The following ZDHHC11B variants were observed in gnomAD, a reference collection of about 807,000 sequenced individuals.
The protein encoded by ZDHHC11B is probable palmitoyltransferase ZDHHC11B.
In ZDHHC11B, 17 loss-of-function variants were observed where a neutral mutation model predicts 42.3. The observed-to-expected ratio is 0.40, with a 90% confidence interval of 0.27 to 0.60. The LOEUF (loss-of-function observed/expected upper bound fraction) is 0.60. ZDHHC11B is among the 20% of genes least tolerant of loss of function. The pLI, the probability that ZDHHC11B is intolerant of heterozygous loss-of-function variation, is 0.41. For synonymous variants in ZDHHC11B, 123 were observed against 193.5 expected, an observed-to-expected ratio of 0.64 and a Z score of 3.02; for missense variants, 262 against 463.2, an observed-to-expected ratio of 0.57 and a Z score of 3.99.
At chr5:759,493 A>G (rs1373050075) in intron 4 of ZDHHC11B, among the ~76,000 whole-genome samples, 4 of 151,970 alleles carry the variant, frequency 2.6e-5, no homozygotes, top group Admixed American at 2.6e-4. Flanking sequence ...GCCCTGGGCC[A>G]CAGCAAGGAG....
At chr5:716,886 G>C (rs748222397) in intron 12 of ZDHHC11B, 21 bp from the exon 13 acceptor site, 9 of 1,612,720 alleles carry the variant, frequency 5.6e-6, no homozygotes, top group Non-Finnish European at 7.6e-6. Context: ...TATTCAGAAA[G>C]AGAGACAACA....
chr5:776,470 T>C (rs1360433559), intron 1 of ZDHHC11B, among the ~76,000 whole-genome samples: 3 of 151,884 alleles, frequency 2.0e-5, no homozygotes, highest in Non-Finnish European at 4.4e-5. Context: ...GGTAGGCCCC[T>C]GGCCAGCAGG....
chr5:769,466 C>T lies in ZDHHC11B; in HGVS notation c.-229-536G>A, dbSNP rs1202037086. On this transcript the variant is annotated intron_variant, in intron 1 of 13. Transcript: ENST00000508859. ...AAGCTGAAGATTATATAGATCAGCCCGTTTCTATCCTTCACACACTGGAGA... is the reference window on the plus strand; with the variant it reads ...AAGCTGAAGATTATATAGATCAGCCTGTTTCTATCCTTCACACACTGGAGA... Among the ~76,000 whole-genome samples, 33 of 151,046 alleles carry T rather than the reference C, an allele frequency of 2.2e-4. 2 individuals carry two copies. The highest frequency in any genetic ancestry group is 1.2e-4 in the Non-Finnish European group (8 of 67,558).
At position 766,710 on chromosome 5, in the gene ZDHHC11B, G is replaced by A. The variant is rs1445673688; in HGVS notation, c.210C>T (p.Tyr70=). The change falls in exon 4 of 14, where the codon TAC becomes TAT. Residue 70 remains tyrosine (Y), a synonymous_variant. Transcript: ENST00000508859. ...ATGAAAAGGATACCACATAGGCGAT[G>A]TATTTCCACGAGTGAGGCAGGAGGG... ...FIPLLPHSWK[Y]IAYVVTGGIF... The A allele has an allele frequency of 1.9e-6, 3 of 1,609,548 alleles. No individual in the cohort carries two copies. Among genetic ancestry groups the A allele is most frequent in the Non-Finnish European group, 2.5e-6 (3 of 1,177,562 alleles).
intron 12 of ZDHHC11B, among the ~76,000 whole-genome samples, chr5:724,714 T>C (rs1318406759): frequency 6.6e-6 from 1 of 150,934 alleles, no homozygotes; most frequent in Non-Finnish European, 1.5e-5. Context: ...TACTATTTAT[T>C]CCCCACCTGT....
At chr5:718,927 A>T in intron 12 of ZDHHC11B, among the ~76,000 whole-genome samples, 1 of 151,672 alleles carries the variant, frequency 6.6e-6, no homozygotes, top group Non-Finnish European at 1.5e-5. Context: ...CTGAGGGATC[A>T]ATACAGAGGC....
chr5:772,374 G>C (rs1365245348), intron 1 of ZDHHC11B, among the ~76,000 whole-genome samples: 1 of 145,820 alleles, frequency 6.9e-6, no homozygotes, highest in African/African-American at 2.4e-5. Flanking sequence ...AGGAACAGGG[G>C]TCAGACCATC....
At chr5:784,325 G>T (rs1167375090) in intron 1 of ZDHHC11B, among the ~76,000 whole-genome samples, 1 of 151,960 alleles carries the variant, frequency 6.6e-6, no homozygotes, top group Non-Finnish European at 1.5e-5. Flanking sequence ...GGTCTGGAGG[G>T]AAGGGCTGCA....
chr5:724,415 G>T (rs1283687193), intron 12 of ZDHHC11B, among the ~76,000 whole-genome samples: 1 of 110,364 alleles, frequency 9.1e-6, no homozygotes, highest in South Asian at 3.1e-4. Context: ...TTGCTCTGTC[G>T]CCCAGGCTGG....
At chr5:769,969 C>A (rs569172943) in intron 1 of ZDHHC11B, among the ~76,000 whole-genome samples, 1 of 151,890 alleles carries the variant, frequency 6.6e-6, no homozygotes, top group African/African-American at 2.4e-5. Context: ...ACCACAGCCC[C>A]GCGAGACGGC....
rs1733583729 is a variant in ZDHHC11B, at chr5:754,795, T to C, written c.503+203A>G. 2.2e-5 allele frequency among the ~76,000 whole-genome samples: 2 copies of C among 89,570 alleles called. 1 individual carries two copies. Among genetic ancestry groups the C allele is most frequent in the South Asian group, 1.0e-3 (2 of 1,918 alleles). 58.8% of individuals were successfully genotyped at this position (89,570 alleles called of 152,430 possible). ...GGGACTTACTCTATGCGGATGAGCT[T>C]GTCCAGGGACGGCTGCACCACAGCC... On this transcript the variant is annotated intron_variant, in intron 6 of 13. Transcript: ENST00000508859.
In ZDHHC11B at chr5:760,610, G is replaced by A. The variant is rs542573589; in HGVS notation, c.223-4466C>T. Among the ~76,000 whole-genome samples, 23 of 151,978 alleles carry A rather than the reference G, an allele frequency of 1.5e-4. 1 individual carries two copies. The South Asian group carries it at 4.6e-3, about 30-fold the overall frequency. ...GCGGCCACCTGGTGATGCTGAGGGA[G>A]AGAGACAGATGGTGGCCAAAGCAGC... On this transcript the variant is annotated intron_variant, in intron 4 of 13. Coordinates refer to ENST00000508859, the MANE Select transcript of ZDHHC11B (RefSeq NM_001351303.2).
chr5:748,926 C>T (rs11741049), intron 7 of ZDHHC11B, among the ~76,000 whole-genome samples: 14,652 of 52,928 alleles, frequency 0.28, 1,201 homozygotes, highest in Middle Eastern at 0.44. Context: ...AGCGCCCACC[C>T]CTTCCTCACT....
chr5:720,965 G>T lies in ZDHHC11B; in HGVS notation c.1059-4100C>A, dbSNP rs1215182302. On this transcript the variant is annotated intron_variant, in intron 12 of 13. Coordinates refer to ENST00000508859, the MANE Select transcript of ZDHHC11B (RefSeq NM_001351303.2). ...TTCCACAAAAAATAATTTAAAATTA[G>T]CCAAGTGTGGTGATGTGTGCCTGTA... 2.0e-5 allele frequency among the ~76,000 whole-genome samples: 3 copies of T among 151,664 alleles called. 1 individual carries two copies. Among genetic ancestry groups the T allele is most frequent in the Non-Finnish European group, 4.4e-5 (3 of 67,978 alleles).
intron 1 of ZDHHC11B, among the ~76,000 whole-genome samples, 184 bp downstream of exon 1, chr5:784,484 G>A (rs1306899556): frequency 9.8e-5 from 15 of 152,362 alleles, no homozygotes; most frequent in Non-Finnish European, 1.9e-4. Context: ...AGCCCGCAGC[G>A]CCGAACTCCG....
At chr5:745,777 G>T (rs901952434) in intron 8 of ZDHHC11B, among the ~76,000 whole-genome samples, 4 of 150,042 alleles carry the variant, frequency 2.7e-5, no homozygotes, top group Non-Finnish European at 5.9e-5. Context: ...GCACCTTGGG[G>T]GATGCACAGA....
chr5:770,651 C>A (rs1369866955), intron 1 of ZDHHC11B, among the ~76,000 whole-genome samples: 1 of 152,022 alleles, frequency 6.6e-6, no homozygotes. Context: ...ACTGCAGAGC[C>A]TCTGACCTTA....
rs1246664539 is a variant in ZDHHC11B, at chr5:749,470, T to C, written c.629-911A>G. Among the ~76,000 whole-genome samples the C allele has an allele frequency of 7.7e-5, 10 of 129,796 alleles. 1 individual carries two copies. Among genetic ancestry groups the C allele is most frequent in the African/African-American group, 2.5e-4 (10 of 39,778 alleles). The allele number at this position is 129,796 out of a possible 152,430, so 85.2% of individuals were successfully genotyped here. On this transcript the variant is annotated intron_variant, in intron 7 of 13. Coordinates refer to ENST00000508859, the MANE Select transcript of ZDHHC11B (RefSeq NM_001351303.2). Reference sequence around the variant, plus strand: ...GAACTGGCGGCCTTGGGGGCCTTCCTAGATGGCCCGACGGGACAGTAGCTC... The same window carrying C: ...GAACTGGCGGCCTTGGGGGCCTTCCCAGATGGCCCGACGGGACAGTAGCTC...
intron 11 of ZDHHC11B, among the ~76,000 whole-genome samples, chr5:731,161 T>C (rs1361657931): frequency 6.6e-6 from 1 of 151,414 alleles, no homozygotes; most frequent in Non-Finnish European, 1.5e-5. Context: ...CTCGCCAATG[T>C]GGCATCATCT....
Sources: allele counts gnomAD v4.1 joint callset (sites outside exome capture counted in the v4.1 genomes callset), GRCh38; gene constraint gnomAD v4.1.1; transcripts MANE v1.5; gene names NCBI Gene and HGNC (gene_info 2026-07-23, HGNC 2026-07-21).